ALK: variants seen among roughly 807,000 people sequenced by gnomAD.
ALK encodes the protein ALK receptor tyrosine kinase.
A neutral mutation model predicts 163.1 loss-of-function variants in ALK; 74 were observed. That is an observed-to-expected ratio of 0.45 (90% CI 0.38 to 0.55). The LOEUF is 0.55. Ranked by LOEUF, ALK falls within the 20% of genes least tolerant of loss-of-function variation. ALK has a pLI of 0.00. For missense variants in ALK, 2,063 were observed against 2,105.3 expected (o/e 0.98, Z 0.39); for synonymous variants, 960 against 843.2 (o/e 1.14, Z -2.40).
chr2:29,796,365 A>G (rs2148360729), intron 1 of ALK, among the ~76,000 whole-genome samples: 1 of 152,294 alleles, frequency 6.6e-6, no homozygotes, highest in Admixed American at 6.5e-5. Context: ...AAATTACTGG[A>G]ACTGATAAGC....
intron 1 of ALK, among the ~76,000 whole-genome samples, chr2:29,771,112 C>A (rs917663973): frequency 3.9e-5 from 6 of 152,054 alleles, no homozygotes; most frequent in African/African-American, 1.4e-4. Flanking sequence ...CGTACACATA[C>A]ATGCACACAT....
chr2:29,239,457 G>T (rs562682388), intron 13 of ALK, among the ~76,000 whole-genome samples: 1 of 152,256 alleles, frequency 6.6e-6, no homozygotes, highest in East Asian at 1.9e-4. Context: ...CTGAGTTCCT[G>T]CTAGGATGGC....
At chr2:29,451,873 T>C (rs984505852) in intron 4 of ALK, among the ~76,000 whole-genome samples, 2 of 152,312 alleles carry the variant, frequency 1.3e-5, no homozygotes, top group African/African-American at 2.4e-5. Context: ...GTGGACGTTA[T>C]TGCCATGATG....
At chr2:29,769,127 T>C (rs1181676598) in intron 1 of ALK, among the ~76,000 whole-genome samples, 1 of 146,270 alleles carries the variant, frequency 6.8e-6, no homozygotes, top group East Asian at 2.2e-4. Context: ...AGCCACAGCA[T>C]CTGGCTAAAT....
At chr2:29,546,138 A>T (rs1375149693) in intron 3 of ALK, among the ~76,000 whole-genome samples, 1 of 152,158 alleles carries the variant, frequency 6.6e-6, no homozygotes, top group African/African-American at 2.4e-5. Context: ...GTTTTTATAT[A>T]TTCCCTTTTA....
rs575873950 is a variant in ALK, at chr2:29,381,587, C to G, written c.1282+2145G>C. Among the ~76,000 whole-genome samples, 182 of 152,340 alleles carry G rather than the reference C, an allele frequency of 1.2e-3. 3 individuals are homozygous for G. Among genetic ancestry groups the G allele is most frequent in the Middle Eastern group, 0.01 (3 of 294 alleles). On this transcript the variant is annotated intron_variant, in intron 5 of 28. Coordinates refer to ENST00000389048, the MANE Select transcript of ALK (RefSeq NM_004304.5). ...CCCTTGTGCTCCATCTGTGCCTCATCATGAAGGGACCAAGTTCTTATCAGA... is the reference window on the plus strand; with the variant it reads ...CCCTTGTGCTCCATCTGTGCCTCATGATGAAGGGACCAAGTTCTTATCAGA...
chr2:29,722,005 A>C (rs888727581), intron 1 of ALK, among the ~76,000 whole-genome samples: 2 of 151,914 alleles, frequency 1.3e-5, no homozygotes, highest in Admixed American at 6.6e-5. Context: ...ACATTGAACA[A>C]CTCTAGGTCT....
chr2:29,706,648 C>T (rs531726969), intron 2 of ALK, among the ~76,000 whole-genome samples: 2 of 152,108 alleles, frequency 1.3e-5, no homozygotes, highest in Non-Finnish European at 1.5e-5. Flanking sequence ...TGTGTGCGCA[C>T]GTGCACATGT....
Position 29,220,729 on chromosome 2 carries a change from G to A in ALK, c.3622C>T (p.Leu1208Phe), listed in dbSNP as rs2148166364. Residue 1208 changes from leucine to phenylalanine, a missense_variant, in exon 23 of 29, where the codon CTC becomes TTC. Around this residue, in one of 5 missense-constraint regions of ALK, gnomAD observed 575 missense variants for 626.6 expected, o/e 0.92. Coordinates refer to ENST00000389048, the MANE Select transcript of ALK (RefSeq NM_004304.5). ...LMAGGDLKSF[L>F]RETRPRPSQP... ...ACCGGGCGAGGGCGGGTCTCTCGGAGGAAGGACTTGAGGTCTCCCCCCGCC... is the reference window on the plus strand; with the variant it reads ...ACCGGGCGAGGGCGGGTCTCTCGGAAGAAGGACTTGAGGTCTCCCCCCGCC... 1 of 1,613,860 alleles carries A rather than the reference G, an allele frequency of 6.2e-7. No homozygotes were observed. Among genetic ancestry groups the A allele is most frequent in the Non-Finnish European group, 8.5e-7 (1 of 1,179,822 alleles).
intron 1 of ALK, among the ~76,000 whole-genome samples, chr2:29,732,900 G>GTT (rs70962236): frequency 3.8e-4 from 56 of 146,688 alleles, no homozygotes; most frequent in African/African-American, 1.3e-3. Context: ...TAGTCTATAG[G>GTT]TTTTTTTTTT....
At chr2:29,736,482 G>C (rs1416171055) in intron 1 of ALK, among the ~76,000 whole-genome samples, 1 of 151,820 alleles carries the variant, frequency 6.6e-6, no homozygotes, top group African/African-American at 2.4e-5. Flanking sequence ...ATTTGACAAA[G>C]TAACTTATAT....
intron 4 of ALK, among the ~76,000 whole-genome samples, chr2:29,398,723 A>G (rs1573318585): frequency 6.6e-6 from 1 of 152,056 alleles, no homozygotes; most frequent in East Asian, 1.9e-4. Context: ...GCATTCTCCG[A>G]GGTCAGAGGA....
intron 3 of ALK, among the ~76,000 whole-genome samples, chr2:29,680,548 T>A (rs1238928626): frequency 6.6e-6 from 1 of 152,108 alleles, no homozygotes; most frequent in African/African-American, 2.4e-5. Flanking sequence ...AAGATTTTTC[T>A]GTCCAGTCAA....
chr2:29,264,910 G>A (rs1040586615), intron 11 of ALK, among the ~76,000 whole-genome samples: 1 of 152,130 alleles, frequency 6.6e-6, no homozygotes, highest in Non-Finnish European at 1.5e-5. Context: ...AGGAGCTGGC[G>A]CACACTCTCA....
rs116204536 is a variant in ALK at position 29,756,068 on chromosome 2, T to G, written c.668-38371A>C. 5.3e-3 allele frequency among the ~76,000 whole-genome samples: 802 copies of G among 152,330 alleles called. 9 individuals carry two copies. The highest frequency in any genetic ancestry group is 0.019 in the African/African-American group (783 of 41,562). On this transcript the variant is annotated intron_variant, in intron 1 of 28. Transcript: ENST00000389048. ...GGGACTAATAGGTTTCTACACACAG[T>G]GGCAAGGAGCCCACATCCTTGGGCT...
At chr2:29,304,493 TA>T (rs70958256) in intron 8 of ALK, among the ~76,000 whole-genome samples, 2,695 of 125,396 alleles carry the variant, frequency 0.021, 34 homozygotes, top group Non-Finnish European at 0.032. Context: ...AGACTGTGTC[TA>T]AAAAAAAAAA....
chr2:29,876,708 A>G (rs375100375), intron 1 of ALK, among the ~76,000 whole-genome samples: 1,397 of 137,852 alleles, frequency 0.01, 22 homozygotes, highest in African/African-American at 0.038. Context: ...AGTGATGGTG[A>G]TGGTGGTGAT....
intron 3 of ALK, among the ~76,000 whole-genome samples, chr2:29,687,711 A>G (rs1379239514): frequency 6.6e-6 from 1 of 152,124 alleles, no homozygotes. Flanking sequence ...ATCCTTATGT[A>G]CATAGTTCTT....
chr2:29,434,772 T>C (rs1021102722), intron 4 of ALK, among the ~76,000 whole-genome samples: 2 of 152,202 alleles, frequency 1.3e-5, no homozygotes, highest in Non-Finnish European at 2.9e-5. Flanking sequence ...GAGGCTCGCC[T>C]TTCAATTCTA....
Sources: allele counts gnomAD v4.1 joint callset (sites outside exome capture counted in the v4.1 genomes callset), GRCh38; gene constraint gnomAD v4.1.1; regional missense constraint gnomAD v4.1.1; transcripts MANE v1.5; gene names NCBI Gene and HGNC (gene_info 2026-07-23, HGNC 2026-07-21).